NAA60: variants seen among roughly 807,000 people sequenced by gnomAD.
The protein encoded by NAA60 is N-alpha-acetyltransferase 60.
A neutral mutation model predicts 26.1 loss-of-function variants in NAA60; 8 were observed. The ratio of observed to expected loss-of-function variants is 0.31; its 90% confidence interval spans 0.18 to 0.55. The LOEUF (loss-of-function observed/expected upper bound fraction) is 0.55, where lower values mean the gene tolerates loss of function less well. Ranked by LOEUF, NAA60 falls within the 20% of genes least tolerant of loss-of-function variation. NAA60 has a pLI of 0.93. For synonymous variants in NAA60, 131 were observed against 122.5 expected, an observed-to-expected ratio of 1.07 and a Z score of -0.46; for missense variants, 290 against 311.3, an observed-to-expected ratio of 0.93 and a Z score of 0.51.
At chr16:3,471,650 C>T (rs766431156) in intron 2 of NAA60, among the ~76,000 whole-genome samples, 6 of 152,166 alleles carry the variant, frequency 3.9e-5, no homozygotes, top group Non-Finnish European at 7.4e-5. Context: ...CCTCCAGACC[C>T]GGGCTGTACC....
At chr16:3,483,861 G>T (rs2037001643) in intron 6 of NAA60, 1 of 498,484 alleles carries the variant, frequency 2.0e-6, no homozygotes, top group Non-Finnish European at 3.5e-6. Context: ...CCAAATTACT[G>T]GGATTATAGG....
chr16:3,443,984 G>T, intron 1 of NAA60, 147 bp downstream of exon 1: 2 of 1,348,010 alleles, frequency 1.5e-6, no homozygotes, highest in Non-Finnish European at 1.9e-6. Context: ...ACATGAAGGA[G>T]TATCTTTGTG....
rs1215088684 is a variant in NAA60, at chr16:3,455,392, T to G, written c.-7+6852T>G. 4.9e-3 allele frequency among the ~76,000 whole-genome samples: 696 copies of G among 143,502 alleles called. 2 individuals carry two copies. Among genetic ancestry groups the G allele is most frequent in the African/African-American group, 0.017 (627 of 37,820 alleles). 94.1% of individuals were successfully genotyped at this position (143,502 alleles called of 152,430 possible). Reference sequence around the variant, plus strand: ...AGCCAAAAAAGAGTTTTTAGTTTTTTTTTTTTTTTTTTTTTTGAGACGGAG... The same window carrying G: ...AGCCAAAAAAGAGTTTTTAGTTTTTGTTTTTTTTTTTTTTTTGAGACGGAG... On this transcript the variant is annotated intron_variant, in intron 2 of 7. Transcript: ENST00000407558.
At chr16:3,478,230 C>T (rs2036606885) in intron 3 of NAA60, among the ~76,000 whole-genome samples, 1 of 152,072 alleles carries the variant, frequency 6.6e-6, no homozygotes, top group African/African-American at 2.4e-5. Context: ...AGTGAGACTC[C>T]ATCTCAAAAT....
chr16:3,471,985 G>A (rs1225826461), intron 2 of NAA60, among the ~76,000 whole-genome samples: 1 of 152,156 alleles, frequency 6.6e-6, no homozygotes, highest in East Asian at 1.9e-4. Context: ...GTGGGTAAGT[G>A]GTTTCTGGGT....
chr16:3,468,447 C>G (rs1292452664), intron 2 of NAA60, among the ~76,000 whole-genome samples: 5 of 152,230 alleles, frequency 3.3e-5, no homozygotes, highest in African/African-American at 4.8e-5. Context: ...GGGGGCTCAG[C>G]TTGGCTCTGC....
In NAA60 at chr16:3,470,925, A is replaced by G. The variant is rs117717182; in HGVS notation, c.-6-5297A>G. On this transcript the variant is annotated intron_variant, in intron 2 of 7. Transcript: ENST00000407558. ...GGGCTGAGACACATGAGGTGCTGTG[A>G]TGCATGCTGCATTTGGCCCTGACTT... Among the ~76,000 whole-genome samples, 54 of 152,298 alleles carry G rather than the reference A, an allele frequency of 3.5e-4. No homozygotes were observed. The East Asian group carries it at 9.3e-3, about 26-fold the overall frequency.
intron 2 of NAA60, chr16:3,450,227 G>T (rs971716251): frequency 1.8e-5 from 6 of 336,958 alleles, no homozygotes; most frequent in Middle Eastern, 7.6e-4. Context: ...TTCTGGGAGT[G>T]CTCCTGGGGT....
intron 2 of NAA60, among the ~76,000 whole-genome samples, chr16:3,470,773 C>T (rs772822213): frequency 6.6e-6 from 1 of 152,232 alleles, no homozygotes; most frequent in African/African-American, 2.4e-5. Flanking sequence ...TGTGGGTCCC[C>T]CTCACTGCCT....
intron 1 of NAA60, among the ~76,000 whole-genome samples, chr16:3,444,723 A>T (rs1353468498): frequency 6.6e-6 from 1 of 152,232 alleles, no homozygotes; most frequent in Admixed American, 6.5e-5. Flanking sequence ...CCCAGTGACA[A>T]CATCAAGGTC....
chr16:3,476,922 T>C (rs1050903686), intron 3 of NAA60, among the ~76,000 whole-genome samples: 4 of 152,090 alleles, frequency 2.6e-5, no homozygotes. Context: ...GTGCCTGTAA[T>C]CCTAGCTACT....
chr16:3,483,979 A>G (rs2037010748), intron 6 of NAA60, among the ~76,000 whole-genome samples: 1 of 152,190 alleles, frequency 6.6e-6, no homozygotes, highest in Admixed American at 6.5e-5. Context: ...GTGCTAGCAG[A>G]GGGGAAACAA....
chr16:3,458,257 C>A (rs960378801), intron 2 of NAA60: 4 of 914,182 alleles, frequency 4.4e-6, no homozygotes, highest in Non-Finnish European at 5.2e-6. Flanking sequence ...GCGGGGAGGC[C>A]GCGCCGGGGT....
chr16:3,484,784 C>T lies in NAA60; in HGVS notation c.658C>T (p.Leu220=), dbSNP rs2037067192. ...PHRVYRQAHS[L]LCSFLPWSGI... ...CAGAGTCTACCGCCAGGCCCACAGC[C>T]TGCTCTGCAGCTTCCTGCCATGGTC... The change falls in exon 7 of 8, where the codon CTG becomes TTG. Residue 220 remains leucine, a synonymous_variant. Coordinates refer to ENST00000407558, the MANE Select transcript of NAA60 (RefSeq NM_001083601.3). 1 of 1,586,650 alleles carries T rather than the reference C, an allele frequency of 6.3e-7. No individual in the cohort carries two copies. Among genetic ancestry groups the T allele is most frequent in the Non-Finnish European group, 8.6e-7 (1 of 1,167,546 alleles).
At chr16:3,458,042 G>C (rs1420770619) in intron 2 of NAA60, 2 of 985,150 alleles carry the variant, frequency 2.0e-6, no homozygotes, top group Non-Finnish European at 2.4e-6. Context: ...GCCGCGGGCT[G>C]CCGCCTCCGT....
chr16:3,466,921 G>T (rs1176385099), intron 2 of NAA60, among the ~76,000 whole-genome samples: 5 of 152,142 alleles, frequency 3.3e-5, no homozygotes, highest in Non-Finnish European at 5.9e-5. Flanking sequence ...TGTTTGAAGG[G>T]CAGGAGTAAA....
intron 2 of NAA60, chr16:3,468,330 GA>G (rs1180982579): frequency 1.3e-5 from 2 of 152,234 alleles, no homozygotes; most frequent in African/African-American, 2.4e-5. Flanking sequence ...CTTGGGGATG[GA>G]AAGTTGGGGT....
rs143733628 is a variant in NAA60 at position 3,462,383 on chromosome 16, A to G, written c.-6-13839A>G. ...TTCCTTTGGTGTTCATGGGTGTTCT[A>G]TTGAATGCTGTTCCATTCTTATTTC... is the stretch of plus-strand genomic sequence containing the variant. On this transcript the variant is annotated intron_variant, in intron 2 of 7. Coordinates refer to ENST00000407558, the MANE Select transcript of NAA60 (RefSeq NM_001083601.3). 2.9e-3 allele frequency among the ~76,000 whole-genome samples: 439 copies of G among 152,280 alleles called. 4 individuals carry two copies. Among genetic ancestry groups the G allele is most frequent in the African/African-American group, 1.0e-2 (415 of 41,568 alleles).
In NAA60 at chr16:3,484,840, C is replaced by T. The variant is rs1378438745; in HGVS notation, c.714C>T (p.Tyr238=). Residue 238 remains tyrosine, a synonymous_variant, in exon 7 of 8, where the codon TAC becomes TAT. Coordinates refer to ENST00000407558, the MANE Select transcript of NAA60 (RefSeq NM_001083601.3). ...SGISSKSGIE[Y]SRTM ...TCTCTTCCAAGAGTGGCATCGAGTA[C>T]AGCCGGACCATGTGATGTCGGCTGG... 5 of 1,562,822 alleles carry T rather than the reference C, an allele frequency of 3.2e-6. No individual in the cohort carries two copies. The highest frequency in any genetic ancestry group is 2.4e-5 in the East Asian group (1 of 41,554).
Sources: gnomAD v4.1 joint callset for allele counts (sites outside exome capture counted in the v4.1 genomes callset) on GRCh38, gnomAD v4.1.1 for gene constraint, MANE v1.5 for transcripts, NCBI Gene and HGNC (gene_info 2026-07-23, HGNC 2026-07-21) for gene names.